The following ANKRD24 variants were observed in gnomAD, a reference collection of about 807,000 sequenced individuals.
ANKRD24 encodes the protein ankyrin repeat domain 24.
Under a neutral mutation model 127.8 loss-of-function variants are expected in ANKRD24, and 109 were observed. The ratio of observed to expected loss-of-function variants is 0.85; its 90% CI spans 0.73 to 1.00. The LOEUF (loss-of-function observed/expected upper bound fraction) is 1.00, where lower values mean the gene tolerates loss of function less well. ANKRD24 is among the 50% of genes least tolerant of loss of function. The pLI, the probability that ANKRD24 is intolerant of heterozygous loss-of-function variation, is 0.00. For missense variants in ANKRD24, 1,648 were observed against 1,570.2 expected, an observed-to-expected ratio of 1.05 and a Z score of -0.84; for synonymous variants, 743 against 671.1, an observed-to-expected ratio of 1.11 and a Z score of -1.66.
rs934140692 is a variant in ANKRD24 at position 4,198,649 on chromosome 19, TCGG to T, written c.37-1027_37-1025del. On this transcript the variant is annotated intron_variant, in intron 2 of 21. Coordinates refer to ENST00000318934, the MANE Select transcript of ANKRD24 (RefSeq NM_001393985.1). This position sits in a 1 kb window ranked among gnomAD's most constrained non-coding sequence, Gnocchi z 6.1. Reference sequence around the variant, plus strand: ...CCCATTCCAGACCCGGGAAAGATGGTCGGCGGCGGGGGGTGGGGGGGAACAGAG... The same window carrying T: ...CCCATTCCAGACCCGGGAAAGATGGTCGGCGGGGGGTGGGGGGGAACAGAG... 8.5e-5 allele frequency: 34 copies of T among 397,934 alleles called. No homozygotes were observed. Among genetic ancestry groups the T allele is most frequent in the African/African-American group, 6.3e-4 (30 of 47,484 alleles). 24.7% of individuals were successfully genotyped at this position (397,934 alleles called of 1,614,324 possible).
chr19:4,212,440 CA>C, intron 13 of ANKRD24, 34 bp from the exon 14 acceptor site: 1 of 1,570,808 alleles, frequency 6.4e-7, no homozygotes, highest in South Asian at 1.2e-5. Context: ...GCCTCTTGCC[CA>C]GATCCAAACC....
In ANKRD24 at chr19:4,198,691, T is replaced by C. The variant is rs1173987859; in HGVS notation, c.37-992T>C. On this transcript the variant is annotated intron_variant, in intron 2 of 21. Transcript: ENST00000318934. The surrounding 1 kb of genome is among the most constrained non-coding windows in gnomAD (Gnocchi z 6.1). ...GGGGGAACAGAGGTTGGGGCAGCTT[T>C]TGGGGGAATGGAAGAGACATTTGGG... is the stretch of plus-strand genomic sequence containing the variant. Among the ~76,000 whole-genome samples, 1 of 152,040 alleles carries C rather than the reference T, an allele frequency of 6.6e-6. No homozygotes were observed. Among genetic ancestry groups the C allele is most frequent in the East Asian group, 1.9e-4 (1 of 5,184 alleles).
At chr19:4,208,038 G>A (rs1445597638) in intron 10 of ANKRD24, 70 bp downstream of exon 10, 16 of 1,385,000 alleles carry the variant, frequency 1.2e-5, no homozygotes, top group East Asian at 5.4e-5. Flanking sequence ...TCTCTTTATC[G>A]TGAATAGTTT....
At chr19:4,210,615 C>T (rs184630249) in intron 13 of ANKRD24, among the ~76,000 whole-genome samples, 133 of 107,562 alleles carry the variant, frequency 1.2e-3, no homozygotes, top group Non-Finnish European at 2.3e-3. Context: ...AGGGCCTTTG[C>T]ACCACCTGTG....
chr19:4,212,661 A>T lies in ANKRD24; in HGVS notation c.1160A>T (p.Glu387Val). ...RQEEKESLGR[E>V]VESLQSRLSL... is the part of the protein sequence containing the mutation. ...GAGGAGAAGGAGAGCCTGGGACGGG[A>T]GGTGGAGAGTTTGCAGAGCCGGCTG... Residue 387 changes from glutamate to valine, a missense_variant, in exon 15 of 22, where the codon GAG becomes GTG. Glu to Val is a moderately radical substitution (Grantham distance 121). Transcript: ENST00000318934. The T allele has an allele frequency of 6.5e-7, 1 of 1,542,932 alleles. No individual in the cohort carries two copies. The highest frequency in any genetic ancestry group is 8.8e-7 in the Non-Finnish European group (1 of 1,141,872).
chr19:4,218,097 C>T lies in ANKRD24; in HGVS notation c.2937C>T (p.Ala979=), dbSNP rs1970228810. 1.9e-6 allele frequency: 3 copies of T among 1,545,080 alleles called. No homozygotes were observed. The highest frequency in any genetic ancestry group is 1.8e-4 in the Middle Eastern group (1 of 5,470). The change falls in exon 18 of 22, where the codon GCC becomes GCT. Residue 979 remains alanine (A), a synonymous_variant. Coordinates refer to ENST00000318934, the MANE Select transcript of ANKRD24 (RefSeq NM_001393985.1). ...TGGGCACCCTGCAGGCCAACGTGGC[C>T]CAGCTGGAGGGGCAGCTGGAGGAGC... is the stretch of plus-strand genomic sequence containing the variant. ...RIVGTLQANV[A]QLEGQLEELG...
At chr19:4,213,456 CTTTT>C (rs769606619) in intron 15 of ANKRD24, among the ~76,000 whole-genome samples, 1 of 118,658 alleles carries the variant, frequency 8.4e-6, no homozygotes, top group Non-Finnish European at 1.7e-5. Flanking sequence ...ATCCTTCCTT[CTTTT>C]TTTTTTTTTT....
intron 20 of ANKRD24, among the ~76,000 whole-genome samples, chr19:4,223,198 G>T (rs1004500789): frequency 6.6e-6 from 1 of 151,232 alleles, no homozygotes; most frequent in Admixed American, 6.6e-5. Context: ...CTCCCAAAAC[G>T]CTGGGATTAC....
chr19:4,213,784 A>G (rs1382800828), intron 15 of ANKRD24, among the ~76,000 whole-genome samples: 1 of 151,592 alleles, frequency 6.6e-6, no homozygotes, highest in Non-Finnish European at 1.5e-5. Flanking sequence ...ACAGGCGCAC[A>G]CCATCACACC....
chr19:4,203,568 C>T (rs1244559952), intron 7 of ANKRD24, among the ~76,000 whole-genome samples: 2 of 152,190 alleles, frequency 1.3e-5, no homozygotes, highest in African/African-American at 4.8e-5. Flanking sequence ...AGGCTGATCT[C>T]AAACTCCTGG....
At chr19:4,219,250 C>T (rs1007982595) in intron 18 of ANKRD24, among the ~76,000 whole-genome samples, 19 of 151,892 alleles carry the variant, frequency 1.3e-4, no homozygotes, top group Non-Finnish European at 2.5e-4. Context: ...TACACCACTG[C>T]ACTCCAGCCT....
chr19:4,192,501 G>A lies in ANKRD24; in HGVS notation c.36+6040G>A, dbSNP rs530694620. Among the ~76,000 whole-genome samples, 5 of 149,692 alleles carry A rather than the reference G, an allele frequency of 3.3e-5. No homozygotes were observed. The South Asian group carries it at 6.5e-4, about 20-fold the overall frequency. On this transcript the variant is annotated intron_variant, in intron 2 of 21. Transcript: ENST00000318934. The stretch of plus-strand genomic sequence containing the variant: ...GCTGGGATTACAGGCGTGAGCCACC[G>A]CGCCCGGCCAGGCCTCGTATTTTCA...
In ANKRD24 at chr19:4,216,320, C is replaced by G. The variant is rs368327843; in HGVS notation, c.1307C>G (p.Ser436Trp). 5.8e-6 allele frequency: 9 copies of G among 1,562,626 alleles called. No individual in the cohort carries two copies. Among genetic ancestry groups the G allele is most frequent in the Non-Finnish European group, 7.8e-6 (9 of 1,153,502 alleles). Reference sequence around the variant, plus strand: ...CTGCTGTCCAGACAACTCAGTCCGTCGGCCCAGGAACACCTGGCCTCGCTG... The same window carrying G: ...CTGCTGTCCAGACAACTCAGTCCGTGGGCCCAGGAACACCTGGCCTCGCTG... ...EVLLSRQLSP[S>W]AQEHLASLQE... The change falls in exon 17 of 22, where the codon TCG (serine) becomes TGG (tryptophan). Residue 436 changes from serine to tryptophan, a missense_variant. Transcript: ENST00000318934.
chr19:4,213,289 TTCC>T (rs1230222086), intron 15 of ANKRD24, among the ~76,000 whole-genome samples: 3 of 146,458 alleles, frequency 2.0e-5, no homozygotes, highest in Admixed American at 1.4e-4. Flanking sequence ...CCCTCCTTCC[TTCC>T]TTTCTTTCCT....
chr19:4,195,125 T>G lies in ANKRD24; in HGVS notation c.37-4558T>G, dbSNP rs1033820779. On this transcript the variant is annotated intron_variant, in intron 2 of 21. Coordinates refer to ENST00000318934, the MANE Select transcript of ANKRD24 (RefSeq NM_001393985.1). The surrounding 1 kb of genome is among the most constrained non-coding windows in gnomAD (Gnocchi z 4.2). ...TCTCACTCTGTCACCCAGGTTGGAG[T>G]GCAGTGGCACGACTTCTGCTCACTG... is the stretch of plus-strand genomic sequence containing the variant. Among the ~76,000 whole-genome samples, 4 of 151,832 alleles carry G rather than the reference T, an allele frequency of 2.6e-5. No homozygotes were observed. The highest frequency in any genetic ancestry group is 7.3e-5 in the African/African-American group (3 of 41,294).
chr19:4,211,241 G>C (rs931693403), intron 13 of ANKRD24, among the ~76,000 whole-genome samples: 3 of 152,316 alleles, frequency 2.0e-5, no homozygotes, highest in East Asian at 3.9e-4. Flanking sequence ...GATGGTGCCT[G>C]GGTCACAGTA....
chr19:4,194,132 CTTTA>C (rs1384969488), intron 2 of ANKRD24, among the ~76,000 whole-genome samples: 8 of 152,046 alleles, frequency 5.3e-5, no homozygotes, highest in African/African-American at 1.7e-4. Context: ...CCCGAAAAAA[CTTTA>C]TTTATGGACA....
chr19:4,222,837 G>A, intron 20 of ANKRD24, 42 bp downstream of exon 20: 1 of 1,547,972 alleles, frequency 6.5e-7, no homozygotes, highest in South Asian at 1.2e-5. Context: ...CCATCAGGGT[G>A]GAGGAGTCCA....
At chr19:4,207,679 C>A (rs981534598) in intron 9 of ANKRD24, 72 bp downstream of exon 9, 17 of 1,597,378 alleles carry the variant, frequency 1.1e-5, no homozygotes, top group Non-Finnish European at 1.4e-5. Context: ...CTAAGTAAGA[C>A]GATCTAGCCA....
Sources: gnomAD v4.1 joint callset for allele counts (sites outside exome capture counted in the v4.1 genomes callset) on GRCh38, gnomAD v4.1.1 for gene constraint, Gnocchi (gnomAD v3.1) non-coding constraint, MANE v1.5 for transcripts, NCBI Gene and HGNC (gene_info 2026-07-23, HGNC 2026-07-21) for gene names.